Variants in MOXD1 observed in about 807,000 individuals in gnomAD.
MOXD1 encodes the protein DBH-like monooxygenase protein 1.
Under a neutral mutation model 66.6 loss-of-function variants are expected in MOXD1, and 62 were observed. The ratio of observed to expected loss-of-function variants is 0.93; its 90% CI spans 0.76 to 1.15. The LOEUF (loss-of-function observed/expected upper bound fraction) is 1.15, where lower values mean the gene tolerates loss of function less well. Ranked by LOEUF, MOXD1 falls within the 50% of genes most tolerant of loss-of-function variation. The pLI is 0.00. For synonymous variants in MOXD1, 303 were observed against 281.9 expected, an observed-to-expected ratio of 1.07 and a Z score of -0.75; for missense variants, 847 against 754.6, an observed-to-expected ratio of 1.12 and a Z score of -1.44.
At chr6:132,307,474 A>G (rs2114538953) in intron 10 of MOXD1, among the ~76,000 whole-genome samples, 1 of 152,332 alleles carries the variant, frequency 6.6e-6, no homozygotes, top group Non-Finnish European at 1.5e-5. Context: ...ACAGAAAATT[A>G]ACAAGGATAT....
At chr6:132,387,478 G>A (rs757797956) in intron 1 of MOXD1, among the ~76,000 whole-genome samples, 40 of 150,952 alleles carry the variant, frequency 2.6e-4, no homozygotes, top group African/African-American at 9.5e-4. Context: ...TTGGGGTGGA[G>A]CACGGTAGCT....
chr6:132,335,190 A>G (rs1329851652), intron 4 of MOXD1, among the ~76,000 whole-genome samples: 1 of 150,974 alleles, frequency 6.6e-6, no homozygotes, highest in African/African-American at 2.4e-5. Flanking sequence ...TGTGAAAGAC[A>G]CCGAGTATTG....
At position 132,381,542 on chromosome 6, in the gene MOXD1, G is replaced by A. The variant is rs6922775; in HGVS notation, c.265-6765C>T. Among the ~76,000 whole-genome samples the A allele has an allele frequency of 1.1e-3, 171 of 151,646 alleles. 1 individual carries two copies. The highest frequency in any genetic ancestry group is 0.01 in the Middle Eastern group (3 of 292). ...AAGCCGAAAAGAAAAGAGGGAAATA[G>A]AAGGAGAAAAAAAAAGCAAGCCACT... is the stretch of plus-strand genomic sequence containing the variant. On this transcript the variant is annotated intron_variant, in intron 1 of 11. Transcript: ENST00000367963.
Position 132,300,703 on chromosome 6 carries a change from A to G in MOXD1, c.1509-2748T>C, listed in dbSNP as rs78368806. ...CAACATAAAGTGACAGAAGAGGTGT[A>G]ACCCCATTTGTCAGTTTTTAGAACA... is the stretch of plus-strand genomic sequence containing the variant. On this transcript the variant is annotated intron_variant, in intron 10 of 11. Transcript: ENST00000367963. 8.7e-4 allele frequency among the ~76,000 whole-genome samples: 133 copies of G among 152,334 alleles called. 1 individual carries two copies. The East Asian group carries it at 0.023, about 27-fold the overall frequency.
At chr6:132,376,715 G>T (rs1261931382) in intron 1 of MOXD1, among the ~76,000 whole-genome samples, 1 of 65,240 alleles carries the variant, frequency 1.5e-5, no homozygotes, top group Admixed American at 1.5e-4. Flanking sequence ...GGGTTTCACC[G>T]TTTTAGCCAG....
At chr6:132,303,708 T>C (rs9388973) in intron 10 of MOXD1, among the ~76,000 whole-genome samples, 62,799 of 135,472 alleles carry the variant, frequency 0.46, 16,032 homozygotes, top group East Asian at 0.68. Flanking sequence ...ACTGTATACA[T>C]ACACACACAC....
rs565242814 is a variant in MOXD1 at position 132,376,364 on chromosome 6, T to C, written c.265-1587A>G. Among the ~76,000 whole-genome samples, 214 of 152,320 alleles carry C rather than the reference T, an allele frequency of 1.4e-3. 3 individuals carry two copies. The highest frequency in any genetic ancestry group is 2.3e-3 in the Non-Finnish European group (159 of 68,020). On this transcript the variant is annotated intron_variant, in intron 1 of 11. Transcript: ENST00000367963. ...CATTTTTATTCCAAGCATCTTTGTA[T>C]GGTAATTATAAGTGTGCATATGTTT... is the stretch of plus-strand genomic sequence containing the variant.
chr6:132,318,324 A>T (rs1212950960), intron 9 of MOXD1, among the ~76,000 whole-genome samples: 5 of 152,050 alleles, frequency 3.3e-5, no homozygotes, highest in Admixed American at 2.6e-4. Context: ...CACTACTAAC[A>T]GTGTATAAGT....
intron 8 of MOXD1, among the ~76,000 whole-genome samples, chr6:132,321,920 T>C (rs1294939666): frequency 1.3e-5 from 2 of 152,228 alleles, no homozygotes; most frequent in East Asian, 3.8e-4. Flanking sequence ...TTTTCAGCTT[T>C]CCTTTTACAT....
Position 132,378,875 on chromosome 6 carries a change from C to CTTTTTTTTT in MOXD1, c.265-4107_265-4099dup, listed in dbSNP as rs3038136. ...AATGAAAGAGGACAGAACACTTCCT[C>CTTTTTTTTT]TTTTTTTTTTTTTTTTTTTTTTTTT... On this transcript the variant is annotated intron_variant, in intron 1 of 11. Transcript: ENST00000367963. 3.4e-3 allele frequency among the ~76,000 whole-genome samples: 141 copies of CTTTTTTTTT among 41,916 alleles called. 59 individuals carry two copies. Among genetic ancestry groups the CTTTTTTTTT allele is most frequent in the Non-Finnish European group, 6.9e-3 (108 of 15,746 alleles). The allele number at this position is 41,916 out of a possible 152,430, so 27.5% of individuals were successfully genotyped here.
chr6:132,366,789 C>T (rs1776150618), intron 4 of MOXD1, among the ~76,000 whole-genome samples: 1 of 152,058 alleles, frequency 6.6e-6, no homozygotes, highest in Admixed American at 6.6e-5. Context: ...CAGCAATGTC[C>T]ATTTGACATG....
intron 4 of MOXD1, among the ~76,000 whole-genome samples, chr6:132,353,403 C>T (rs999411001): frequency 1.3e-5 from 2 of 152,116 alleles, no homozygotes; most frequent in African/African-American, 4.8e-5. Flanking sequence ...AAGACTATAT[C>T]TTTCCTTCAT....
intron 4 of MOXD1, among the ~76,000 whole-genome samples, chr6:132,348,192 G>A (rs969429006): frequency 1.3e-5 from 2 of 152,194 alleles, no homozygotes; most frequent in Non-Finnish European, 2.9e-5. Context: ...TAGGTTTCTT[G>A]AGAGGAAGGC....
intron 1 of MOXD1, among the ~76,000 whole-genome samples, chr6:132,379,235 C>T (rs942371014): frequency 4.0e-5 from 6 of 151,854 alleles, no homozygotes; most frequent in African/African-American, 1.5e-4. Flanking sequence ...TATGATTTAG[C>T]ACATCAAAAG....
At chr6:132,359,725 A>T (rs1775979782) in intron 4 of MOXD1, among the ~76,000 whole-genome samples, 1 of 151,654 alleles carries the variant, frequency 6.6e-6, no homozygotes, top group South Asian at 2.1e-4. Flanking sequence ...TGACCTCATA[A>T]TCCGCCCGCC....
At chr6:132,397,954 T>C (rs1306173464) in intron 1 of MOXD1, among the ~76,000 whole-genome samples, 1 of 152,198 alleles carries the variant, frequency 6.6e-6, no homozygotes, top group Non-Finnish European at 1.5e-5. Context: ...CACACAGAGA[T>C]TGCATAGTGG....
intron 10 of MOXD1, among the ~76,000 whole-genome samples, chr6:132,313,822 G>T (rs995651519): frequency 3.3e-5 from 5 of 152,148 alleles, no homozygotes; most frequent in African/African-American, 1.2e-4. Context: ...GGCTGAGGCA[G>T]GAGAATCACT....
In MOXD1 at chr6:132,359,310, A is replaced by G. The variant is rs1775966869; in HGVS notation, c.663+13298T>C. ...GAGACAAGAACTCCCTCCATTACCCAGGGTGGTCTCGAATTCTCCTCCCAA... is the reference window on the plus strand; with the variant it reads ...GAGACAAGAACTCCCTCCATTACCCGGGGTGGTCTCGAATTCTCCTCCCAA... On this transcript the variant is annotated intron_variant, in intron 4 of 11. Transcript: ENST00000367963. Among the ~76,000 whole-genome samples, 5 of 151,970 alleles carry G rather than the reference A, an allele frequency of 3.3e-5. No individual in the cohort carries two copies. In the South Asian group the frequency reaches 1.0e-3, roughly 32 times the overall value.
intron 6 of MOXD1, among the ~76,000 whole-genome samples, chr6:132,324,709 C>T (rs1175286675): frequency 2.6e-5 from 4 of 152,092 alleles, no homozygotes; most frequent in South Asian, 2.1e-4. Flanking sequence ...ACACACTTGT[C>T]GTTATGAAAT....
Sources: gnomAD v4.1 joint callset for allele counts (sites outside exome capture counted in the v4.1 genomes callset) on GRCh38, gnomAD v4.1.1 for gene constraint, MANE v1.5 for transcripts, NCBI Gene and HGNC (gene_info 2026-07-23, HGNC 2026-07-21) for gene names.